CNTNAP4: variants seen among roughly 807,000 people sequenced by gnomAD.
The protein encoded by CNTNAP4 is contactin associated protein family member 4.
Under a neutral mutation model 148.4 loss-of-function variants are expected in CNTNAP4, and 98 were observed. The observed-to-expected ratio is 0.66, with a 90% CI of 0.56 to 0.78. CNTNAP4 has a LOEUF of 0.78. CNTNAP4 is among the 30% of genes least tolerant of loss of function. The pLI is 0.00. For synonymous variants in CNTNAP4, 730 were observed against 565.1 expected, an observed-to-expected ratio of 1.29 and a Z score of -4.14; for missense variants, 1,935 against 1,565.6, an observed-to-expected ratio of 1.24 and a Z score of -3.98.
rs897814215 is a variant in CNTNAP4, at chr16:76,447,883, T to C, written c.539-129T>C. On this transcript the variant is annotated intron_variant, in intron 4 of 23. Coordinates refer to ENST00000611870, the MANE Select transcript of CNTNAP4 (RefSeq NM_033401.5). ...TATCAGGATATAACTCCATCATTAG[T>C]TGAGGAGCATCTGTATATGCATGTG... The C allele has an allele frequency of 1.1e-5, 7 of 637,786 alleles. No individual in the cohort carries two copies. In the African/African-American group the frequency reaches 1.1e-4, roughly 10 times the overall value. 39.5% of individuals were successfully genotyped at this position (637,786 alleles called of 1,614,324 possible).
At chr16:76,544,414 C>G (rs8054720) in intron 21 of CNTNAP4, among the ~76,000 whole-genome samples, 2,802 of 152,124 alleles carry the variant, frequency 0.018, 82 homozygotes, top group African/African-American at 0.064. Context: ...ATATTACTAG[C>G]AGATATTGAG....
At chr16:76,325,596 A>G (rs1962887227) in intron 2 of CNTNAP4, among the ~76,000 whole-genome samples, 1 of 152,182 alleles carries the variant, frequency 6.6e-6, no homozygotes, top group Admixed American at 6.5e-5. Flanking sequence ...AATGATAAGA[A>G]AATACTGCAA....
intron 3 of CNTNAP4, among the ~76,000 whole-genome samples, chr16:76,410,416 A>G (rs2078751929): frequency 6.6e-6 from 1 of 151,732 alleles, no homozygotes; most frequent in Admixed American, 6.6e-5. Context: ...TCATTTATCT[A>G]TATCAAGATA....
chr16:76,439,213 A>G (rs369381101), intron 4 of CNTNAP4, among the ~76,000 whole-genome samples: 2,153 of 152,292 alleles, frequency 0.014, 23 homozygotes, highest in Non-Finnish European at 0.025. Context: ...AATTAAAAAA[A>G]ATCTGATTAT....
chr16:76,321,353 C>T (rs1459954799), intron 2 of CNTNAP4, among the ~76,000 whole-genome samples: 1 of 152,124 alleles, frequency 6.6e-6, no homozygotes, highest in African/African-American at 2.4e-5. Flanking sequence ...TCTTTGCAAA[C>T]AACTATTATG....
chr16:76,356,930 T>C (rs767571213), intron 3 of CNTNAP4, among the ~76,000 whole-genome samples: 2 of 152,144 alleles, frequency 1.3e-5, no homozygotes, highest in East Asian at 1.9e-4. Context: ...AGCCCTGCTC[T>C]TTCTCTAGAG....
chr16:76,382,549 A>T (rs886966436), intron 3 of CNTNAP4, among the ~76,000 whole-genome samples: 15 of 152,220 alleles, frequency 9.9e-5, no homozygotes, highest in Non-Finnish European at 4.4e-5. Flanking sequence ...AGAAAAAAGA[A>T]GCAAATCTAA....
chr16:76,421,702 A>G (rs1290427232), intron 3 of CNTNAP4, among the ~76,000 whole-genome samples: 1 of 152,106 alleles, frequency 6.6e-6, no homozygotes, highest in Non-Finnish European at 1.5e-5. Context: ...TGACTATGTC[A>G]AAATGAATTG....
chr16:76,317,709 G>A (rs895075993), intron 2 of CNTNAP4, among the ~76,000 whole-genome samples: 1 of 120,560 alleles, frequency 8.3e-6, no homozygotes, highest in African/African-American at 2.9e-5. Flanking sequence ...ATAGGTAAGA[G>A]TGTGTGTGTG....
rs565683604 is a variant in CNTNAP4, at chr16:76,469,841, C to A, written c.1655+2318C>A. 3.9e-5 allele frequency among the ~76,000 whole-genome samples: 6 copies of A among 152,226 alleles called. No individual in the cohort carries two copies. In the East Asian group the frequency reaches 1.2e-3, roughly 29 times the overall value. On this transcript the variant is annotated intron_variant, in intron 10 of 23. Transcript: ENST00000611870. ...ACAATCTTAAAAATATAGCAAAAAT[C>A]AAAGTAACATTTGCATACTTTTTAA...
At chr16:76,374,277 A>G (rs577203147) in intron 3 of CNTNAP4, among the ~76,000 whole-genome samples, 53 of 152,206 alleles carry the variant, frequency 3.5e-4, no homozygotes, top group Non-Finnish European at 6.5e-4. Context: ...CGGGCTAGAG[A>G]ATATCAGTTT....
chr16:76,461,859 C>T (rs2080975604), intron 8 of CNTNAP4, 97 bp from the exon 9 acceptor site: 1 of 974,386 alleles, frequency 1.0e-6, no homozygotes, highest in Non-Finnish European at 1.6e-6. Flanking sequence ...GAGTTAAGTA[C>T]TGTAGCCAAT....
intron 4 of CNTNAP4, among the ~76,000 whole-genome samples, chr16:76,440,527 C>T (rs1234452700): frequency 6.6e-6 from 1 of 152,114 alleles, no homozygotes; most frequent in Non-Finnish European, 1.5e-5. Flanking sequence ...TTCCATGGTA[C>T]AATTCATTTC....
At chr16:76,556,691 C>T (rs1043097947) in intron 23 of CNTNAP4, among the ~76,000 whole-genome samples, 1 of 152,084 alleles carries the variant, frequency 6.6e-6, no homozygotes, top group African/African-American at 2.4e-5. Flanking sequence ...AAATGAGAAG[C>T]AAAATATGTA....
chr16:76,423,804 T>C (rs1007881125), intron 3 of CNTNAP4, among the ~76,000 whole-genome samples: 1 of 152,182 alleles, frequency 6.6e-6, no homozygotes, highest in Non-Finnish European at 1.5e-5. Context: ...TAATAAATAG[T>C]AACTGCATAT....
chr16:76,382,733 C>T (rs1341808301), intron 3 of CNTNAP4, among the ~76,000 whole-genome samples: 1 of 152,142 alleles, frequency 6.6e-6, no homozygotes, highest in Non-Finnish European at 1.5e-5. Flanking sequence ...TATCTCCTAG[C>T]ACCTAGACTG....
intron 2 of CNTNAP4, among the ~76,000 whole-genome samples, chr16:76,332,535 A>G (rs576313448): frequency 6.6e-6 from 1 of 152,120 alleles, no homozygotes; most frequent in South Asian, 2.1e-4. Flanking sequence ...AAGTGCCATT[A>G]TTATTTTTTT....
intron 3 of CNTNAP4, among the ~76,000 whole-genome samples, chr16:76,379,790 C>CTTATCT (rs1567929731): frequency 6.6e-6 from 1 of 152,146 alleles, no homozygotes; most frequent in Non-Finnish European, 1.5e-5. Context: ...GACAATGGTC[C>CTTATCT]TTATCTTTTC....
At position 76,391,310 on chromosome 16, in the gene CNTNAP4, A is replaced by C. The variant is rs555820729; in HGVS notation, c.390+35799A>C. ...CTCAAATGTTCGCATTTGACGTTTCACATCTCTTATTATTTTCTGGGGGAA... is the reference window on the plus strand; with the variant it reads ...CTCAAATGTTCGCATTTGACGTTTCCCATCTCTTATTATTTTCTGGGGGAA... On this transcript the variant is annotated intron_variant, in intron 3 of 23. Transcript: ENST00000611870. Among the ~76,000 whole-genome samples the C allele has an allele frequency of 7.9e-5, 12 of 152,314 alleles. No individual in the cohort carries two copies. In the East Asian group the frequency reaches 2.3e-3, roughly 29 times the overall value.
Sources: allele counts gnomAD v4.1 joint callset (sites outside exome capture counted in the v4.1 genomes callset), GRCh38; gene constraint gnomAD v4.1.1; transcripts MANE v1.5; gene names NCBI Gene and HGNC (gene_info 2026-07-23, HGNC 2026-07-21).